RFC3: variants seen among roughly 807,000 people sequenced by gnomAD.
The protein encoded by RFC3 is A1 38 kDa subunit.
Under a neutral mutation model 45.1 loss-of-function variants are expected in RFC3, and 41 were observed. The ratio of observed to expected loss-of-function variants is 0.91; its 90% CI spans 0.71 to 1.18. The LOEUF is 1.18. Among genes scored for constraint, RFC3 ranks in the 50% most tolerant of loss-of-function variants. The pLI is 0.00. For synonymous variants in RFC3, 149 were observed against 144.0 expected (o/e 1.03, Z -0.25); for missense variants, 423 against 428.1 (o/e 0.99, Z 0.10).
Position 33,930,770 on chromosome 13 carries a change from C to T in RFC3, c.880-35317C>T, listed in dbSNP as rs557244194. ...AAGTTTTCTTACTAATTATATGTATCGATGTAACGTACTAATGGTGATAAA... is the reference window on the plus strand; with the variant it reads ...AAGTTTTCTTACTAATTATATGTATTGATGTAACGTACTAATGGTGATAAA... On this transcript the variant is annotated intron_variant, in intron 8 of 8. Transcript: ENST00000434425. Among the ~76,000 whole-genome samples, 85 of 152,106 alleles carry T rather than the reference C, an allele frequency of 5.6e-4. 2 individuals carry two copies. The South Asian group carries it at 0.017, about 30-fold the overall frequency.
At chr13:33,911,597 G>C (rs2082704139) in intron 8 of RFC3, among the ~76,000 whole-genome samples, 1 of 152,084 alleles carries the variant, frequency 6.6e-6, no homozygotes, top group African/African-American at 2.4e-5. Flanking sequence ...TTCGGTGAGG[G>C]CTTTTGTACT....
chr13:33,951,509 G>A (rs760661599), intron 8 of RFC3, among the ~76,000 whole-genome samples: 12 of 152,026 alleles, frequency 7.9e-5, no homozygotes, highest in Non-Finnish European at 1.3e-4. Context: ...TGGTATTACA[G>A]GCATGAGCCA....
chr13:33,886,682 G>A (rs1471170133), intron 8 of RFC3, among the ~76,000 whole-genome samples: 2 of 146,474 alleles, frequency 1.4e-5, no homozygotes, highest in Non-Finnish European at 3.0e-5. Context: ...TGTGCACAAT[G>A]TGCAGGTTAG....
chr13:33,916,671 T>G (rs2082735352), intron 8 of RFC3, among the ~76,000 whole-genome samples: 2 of 152,190 alleles, frequency 1.3e-5, no homozygotes, highest in Non-Finnish European at 2.9e-5. Context: ...TCTGTGTATA[T>G]GTAGGCATGT....
chr13:33,931,202 T>C (rs1032579476), intron 8 of RFC3, among the ~76,000 whole-genome samples: 3 of 152,160 alleles, frequency 2.0e-5, no homozygotes, highest in Non-Finnish European at 4.4e-5. Context: ...TGATGTTACA[T>C]GCTGCTCACG....
chr13:33,822,569 A>G (rs1047094504), intron 2 of RFC3, among the ~76,000 whole-genome samples: 7 of 152,170 alleles, frequency 4.6e-5, no homozygotes, highest in Non-Finnish European at 8.8e-5. Flanking sequence ...GACAAGTGAA[A>G]CTGGAAAGAG....
chr13:33,881,891 T>C (rs2137599731), intron 8 of RFC3, among the ~76,000 whole-genome samples: 1 of 152,316 alleles, frequency 6.6e-6, no homozygotes, highest in Admixed American at 6.5e-5. Context: ...GCATGGCTAA[T>C]AGGAGCACTG....
At chr13:33,834,476 A>G (rs933126560) in intron 7 of RFC3, among the ~76,000 whole-genome samples, 6 of 150,378 alleles carry the variant, frequency 4.0e-5, no homozygotes, top group Non-Finnish European at 5.9e-5. Context: ...AGAAGGGCCT[A>G]GAATGAAGGA....
In RFC3 at chr13:33,835,230, C is replaced by T. The variant is rs2082142603; in HGVS notation, c.879+13C>T. 2 of 1,583,336 alleles carry T rather than the reference C, an allele frequency of 1.3e-6. No homozygotes were observed. Among genetic ancestry groups the T allele is most frequent in the African/African-American group, 2.7e-5 (2 of 74,300 alleles). On this transcript the variant is annotated intron_variant, in intron 8 of 8. Coordinates refer to ENST00000380071, the MANE Select transcript of RFC3 (RefSeq NM_002915.4). ...GATAATAATGAAGGTAACCCAATTT[C>T]AGATCTTGAACTTTTTACAGCTATA...
In RFC3 at chr13:33,883,361, A is replaced by G. The variant is rs80178562; in HGVS notation, c.879+48144A>G. The stretch of plus-strand genomic sequence containing the variant: ...TTAGTTTGCTTTTCCCACTTCACTG[A>G]AATAATGAAATATTTCTCACCTTTC... On this transcript the variant is annotated intron_variant, in intron 8 of 8. Transcript: ENST00000434425. Among the ~76,000 whole-genome samples the G allele has an allele frequency of 3.4e-4, 52 of 152,346 alleles. No individual in the cohort carries two copies. In the East Asian group the frequency reaches 9.6e-3, roughly 28 times the overall value.
At chr13:33,970,184 T>C (rs1202267169), downstream of RFC3, among the ~76,000 whole-genome samples, 1 of 152,162 alleles carries the variant, frequency 6.6e-6, no homozygotes, top group Non-Finnish European at 1.5e-5. Context: ...GAACATGTAG[T>C]GTTTGGTTTT....
In RFC3 at chr13:33,916,572, G is replaced by C. The variant is rs1448599823; in HGVS notation, c.880-49515G>C. The stretch of plus-strand genomic sequence containing the variant: ...CAGAATATTGTCTCATAATACTTAT[G>C]GATGTTTGGCTAATAGCACCAGTGA... On this transcript the variant is annotated intron_variant, in intron 8 of 8. Transcript: ENST00000434425. 2.0e-5 allele frequency among the ~76,000 whole-genome samples: 3 copies of C among 152,226 alleles called. No individual in the cohort carries two copies. In the South Asian group the frequency reaches 6.2e-4, roughly 32 times the overall value.
chr13:33,917,323 G>T (rs951656260), intron 8 of RFC3, among the ~76,000 whole-genome samples: 7 of 152,116 alleles, frequency 4.6e-5, no homozygotes, highest in Admixed American at 4.6e-4. Context: ...CAGAGCCTTA[G>T]CTTCCAGAAA....
intron 8 of RFC3, among the ~76,000 whole-genome samples, chr13:33,887,982 A>G (rs184630601): frequency 6.6e-6 from 1 of 152,254 alleles, no homozygotes; most frequent in African/African-American, 2.4e-5. Flanking sequence ...TGTTCCATTG[A>G]TCGACATCTC....
the RFC3 span, among the ~76,000 whole-genome samples, chr13:33,975,117 C>T: frequency 6.6e-6 from 1 of 152,158 alleles, no homozygotes; most frequent in African/African-American, 2.4e-5. Context: ...CATTTATAAT[C>T]ACCTCAAACT....
In RFC3 at chr13:33,964,291, T is replaced by C. The variant is rs1392274499; in HGVS notation, c.880-1796T>C. Among the ~76,000 whole-genome samples, 8 of 152,204 alleles carry C rather than the reference T, an allele frequency of 5.3e-5. No homozygotes were observed. The South Asian group carries it at 1.7e-3, about 32-fold the overall frequency. ...GATAGAAAATGGGTATTCCAAAGCC[T>C]AGACTTTTTAAAAGCAATTATCAAT... On this transcript the variant is annotated intron_variant, in intron 8 of 8. Coordinates refer to the RFC3 transcript ENST00000434425.
chr13:33,875,100 A>G lies in RFC3; in HGVS notation c.879+39883A>G, dbSNP rs78550128. Among the ~76,000 whole-genome samples the G allele has an allele frequency of 8.1e-3, 1,232 of 152,378 alleles. 10 individuals carry two copies. Among genetic ancestry groups the G allele is most frequent in the African/African-American group, 0.028 (1,183 of 41,590 alleles). On this transcript the variant is annotated intron_variant, in intron 8 of 8. Coordinates refer to the RFC3 transcript ENST00000434425. ...ACTTAGATCTTTTCAGTCATTCTAC[A>G]AATAATTATTGAGCACCTACTATGT...
intron 8 of RFC3, among the ~76,000 whole-genome samples, chr13:33,942,968 A>C (rs7985475): frequency 0.43 from 65,257 of 151,920 alleles, 15,303 homozygotes; most frequent in East Asian, 0.78. Flanking sequence ...GGAGTGAGGC[A>C]TAGGAAACAC....
chr13:33,969,021 A>G (rs1295865064), downstream of RFC3, among the ~76,000 whole-genome samples: 1 of 152,192 alleles, frequency 6.6e-6, no homozygotes, highest in African/African-American at 2.4e-5. Context: ...CATTACTGCC[A>G]TGTCCTCACA....
Sources: gnomAD v4.1 joint callset for allele counts (sites outside exome capture counted in the v4.1 genomes callset) on GRCh38, gnomAD v4.1.1 for gene constraint, MANE v1.5 for transcripts, NCBI Gene and HGNC (gene_info 2026-07-23, HGNC 2026-07-21) for gene names.